ITFG1: variants seen among roughly 807,000 people sequenced by gnomAD.
ITFG1 encodes integrin alpha FG-GAP repeat containing 1.
A neutral mutation model predicts 81.8 loss-of-function variants in ITFG1; 34 were observed. The observed-to-expected ratio is 0.42, with a 90% CI of 0.32 to 0.55. The LOEUF (loss-of-function observed/expected upper bound fraction) is 0.55. Ranked by LOEUF, ITFG1 falls within the 20% of genes least tolerant of loss-of-function variation. ITFG1 has a pLI of 0.17. For missense variants in ITFG1, 672 were observed against 755.4 expected, an observed-to-expected ratio of 0.89 and a Z score of 1.29; for synonymous variants, 285 against 270.6, an observed-to-expected ratio of 1.05 and a Z score of -0.52.
chr16:47,219,958 G>A (rs1965671158), intron 13 of ITFG1, among the ~76,000 whole-genome samples: 1 of 152,208 alleles, frequency 6.6e-6, no homozygotes, highest in Non-Finnish European at 1.5e-5. Context: ...TTTTTATGTG[G>A]AAAGATGAAT....
chr16:47,445,531 G>A (rs1969314098), intron 5 of ITFG1, among the ~76,000 whole-genome samples: 1 of 152,090 alleles, frequency 6.6e-6, no homozygotes, highest in Non-Finnish European at 1.5e-5. Flanking sequence ...ACAAACACAG[G>A]CTAGCACATT....
At chr16:47,224,277 C>A (rs1965732057) in intron 13 of ITFG1, among the ~76,000 whole-genome samples, 1 of 152,150 alleles carries the variant, frequency 6.6e-6, no homozygotes. Context: ...CTGCCTGAGG[C>A]AGTGATTATC....
At chr16:47,336,188 T>A (rs1195460766) in intron 8 of ITFG1, among the ~76,000 whole-genome samples, 1 of 151,846 alleles carries the variant, frequency 6.6e-6, no homozygotes, top group Non-Finnish European at 1.5e-5. Context: ...AATGGCAGAG[T>A]AGGCAGCTCC....
chr16:47,316,649 T>C (rs1341915894), intron 8 of ITFG1, among the ~76,000 whole-genome samples: 1 of 152,206 alleles, frequency 6.6e-6, no homozygotes, highest in African/African-American at 2.4e-5. Context: ...AGCTGTTACT[T>C]AATAGCCTCC....
At position 47,267,735 on chromosome 16, in the gene ITFG1, G is replaced by A. The variant is rs562837292; in HGVS notation, c.1071-7040C>T. On this transcript the variant is annotated intron_variant, in intron 10 of 17. Coordinates refer to ENST00000320640, the MANE Select transcript of ITFG1 (RefSeq NM_030790.5). ...TCTCTGATCATAATGGAATTAAATG[G>A]GAAAGCAATAACAGTTATTTCAAAA... Among the ~76,000 whole-genome samples the A allele has an allele frequency of 3.3e-5, 5 of 151,902 alleles. No individual in the cohort carries two copies. The South Asian group carries it at 1.0e-3, about 32-fold the overall frequency.
chr16:47,400,252 A>T (rs1968643742), intron 6 of ITFG1, among the ~76,000 whole-genome samples: 1 of 152,186 alleles, frequency 6.6e-6, no homozygotes, highest in Admixed American at 6.5e-5. Context: ...GACCAGGTGC[A>T]GTGGCTCAGG....
In ITFG1 at chr16:47,212,789, G is replaced by A. The variant is rs13336321; in HGVS notation, c.1453+6079C>T. 4.2e-3 allele frequency among the ~76,000 whole-genome samples: 640 copies of A among 152,220 alleles called. 5 individuals are homozygous for A. Among genetic ancestry groups the A allele is most frequent in the African/African-American group, 0.015 (611 of 41,558 alleles). ...ACAGTGAGTCATCTGATTCATTCCT[G>A]ACACTGGCAATTTATGTCTCCTCTC... is the stretch of plus-strand genomic sequence containing the variant. On this transcript the variant is annotated intron_variant, in intron 14 of 17. Coordinates refer to ENST00000320640, the MANE Select transcript of ITFG1 (RefSeq NM_030790.5).
chr16:47,267,495 T>C (rs1000607458), intron 10 of ITFG1, among the ~76,000 whole-genome samples: 2 of 152,154 alleles, frequency 1.3e-5, no homozygotes, highest in East Asian at 1.9e-4. Context: ...CTTTTAATAA[T>C]TGATAAACTA....
chr16:47,194,409 C>G (rs1280016356), intron 14 of ITFG1, among the ~76,000 whole-genome samples: 2 of 152,136 alleles, frequency 1.3e-5, no homozygotes, highest in Admixed American at 6.5e-5. Context: ...ATCCAGCAAA[C>G]AAGGTCAAGG....
At position 47,267,476 on chromosome 16, in the gene ITFG1, A is replaced by C. The variant is rs183209940; in HGVS notation, c.1071-6781T>G. Among the ~76,000 whole-genome samples the C allele has an allele frequency of 9.2e-5, 14 of 152,348 alleles. No individual in the cohort carries two copies. The East Asian group carries it at 2.5e-3, about 27-fold the overall frequency. ...GTTCACAACTATAGTCACGGATTCC[A>C]ATATGTCTCTTTTAATAATTGATAA... On this transcript the variant is annotated intron_variant, in intron 10 of 17. Coordinates refer to ENST00000320640, the MANE Select transcript of ITFG1 (RefSeq NM_030790.5).
chr16:47,222,448 A>G (rs1404121364), intron 13 of ITFG1, among the ~76,000 whole-genome samples: 2 of 133,496 alleles, frequency 1.5e-5, no homozygotes, highest in Non-Finnish European at 3.1e-5. Context: ...AAGTCTCGCT[A>G]GGTCGCCCAG....
chr16:47,400,998 C>A (rs1016673060), intron 6 of ITFG1, among the ~76,000 whole-genome samples: 1 of 152,122 alleles, frequency 6.6e-6, no homozygotes, highest in Non-Finnish European at 1.5e-5. Context: ...GGAGATTTAA[C>A]AGGAAGGGAA....
intron 6 of ITFG1, among the ~76,000 whole-genome samples, chr16:47,423,777 G>T (rs1968982424): frequency 6.6e-6 from 1 of 152,136 alleles, no homozygotes; most frequent in Non-Finnish European, 1.5e-5. Flanking sequence ...CTGGCTTGTA[G>T]GTTTTCTGCT....
rs188837875 is a variant in ITFG1, at chr16:47,383,339, T to A, written c.656-7399A>T. Among the ~76,000 whole-genome samples, 506 of 152,320 alleles carry A rather than the reference T, an allele frequency of 3.3e-3. 3 individuals are homozygous for A. Among genetic ancestry groups the A allele is most frequent in the African/African-American group, 0.012 (483 of 41,576 alleles). On this transcript the variant is annotated intron_variant, in intron 6 of 17. Transcript: ENST00000320640. Reference sequence around the variant, plus strand: ...AGGTTTTAAAATATAAATTTTAGAATTATATTTGCCCTGACGCGTTTTCTT... The same window carrying A: ...AGGTTTTAAAATATAAATTTTAGAAATATATTTGCCCTGACGCGTTTTCTT...
At chr16:47,440,780 G>C (rs1251405057) in intron 5 of ITFG1, among the ~76,000 whole-genome samples, 1 of 152,082 alleles carries the variant, frequency 6.6e-6, no homozygotes, top group African/African-American at 2.4e-5. Flanking sequence ...AAAAGAACTA[G>C]AGAAGCAAGA....
intron 5 of ITFG1, among the ~76,000 whole-genome samples, chr16:47,446,206 T>C (rs751789759): frequency 6.6e-6 from 1 of 152,174 alleles, no homozygotes; most frequent in Non-Finnish European, 1.5e-5. Context: ...AGATAAGCTG[T>C]ACAATTCCGT....
At chr16:47,267,566 C>T (rs545506201) in intron 10 of ITFG1, among the ~76,000 whole-genome samples, 3 of 152,222 alleles carry the variant, frequency 2.0e-5, no homozygotes, top group East Asian at 1.9e-4. Flanking sequence ...TTTCACCTGA[C>T]TGACGTTTAT....
intron 13 of ITFG1, among the ~76,000 whole-genome samples, chr16:47,222,595 A>G (rs1164883689): frequency 6.6e-6 from 1 of 151,868 alleles, no homozygotes; most frequent in Non-Finnish European, 1.5e-5. Context: ...TTATATTTTT[A>G]GTAGAGACGG....
chr16:47,244,100 C>T (rs746623055), intron 12 of ITFG1, among the ~76,000 whole-genome samples: 1 of 152,248 alleles, frequency 6.6e-6, no homozygotes, highest in Non-Finnish European at 1.5e-5. Context: ...GCCAAGAGCA[C>T]ATCCTGTATG....
Sources: allele counts gnomAD v4.1 joint callset (sites outside exome capture counted in the v4.1 genomes callset), GRCh38; gene constraint gnomAD v4.1.1; transcripts MANE v1.5; gene names NCBI Gene and HGNC (gene_info 2026-07-23, HGNC 2026-07-21).